Variants in RTN4 observed in about 807,000 individuals in gnomAD.
RTN4 encodes reticulon-4.
Under a neutral mutation model 90.4 loss-of-function variants are expected in RTN4, and 32 were observed. The ratio of observed to expected loss-of-function variants is 0.35; its 90% CI spans 0.27 to 0.48. The LOEUF is 0.48. RTN4 is among the 20% of genes least tolerant of loss of function. The pLI is 0.99. For synonymous variants in RTN4, 629 were observed against 552.5 expected (o/e 1.14, Z -1.94); for missense variants, 1,706 against 1,430.2 (o/e 1.19, Z -3.11).
chr2:55,055,642 C>T (rs113355771), upstream of RTN4, among the ~76,000 whole-genome samples: 358 of 151,924 alleles, frequency 2.4e-3, no homozygotes, highest in Middle Eastern at 6.8e-3. Context: ...TGGTGGCGGG[C>T]GCCTGTAGTC....
intron 5 of RTN4, 37 bp downstream of exon 5, chr2:54,982,478 C>T (rs759936766): frequency 1.9e-6 from 3 of 1,578,600 alleles, no homozygotes; most frequent in Non-Finnish European, 2.6e-6. Flanking sequence ...ATACTAAATT[C>T]TGGGTATATC....
chr2:54,985,255 G>A (rs1370897469), intron 4 of RTN4, among the ~76,000 whole-genome samples: 1 of 140,874 alleles, frequency 7.1e-6, no homozygotes, highest in African/African-American at 2.7e-5. Context: ...GAACTCCTGG[G>A]TTCTAGCAAT....
At chr2:55,137,480 C>G in the RTN4 span, among the ~76,000 whole-genome samples, 2 of 152,126 alleles carry the variant, frequency 1.3e-5, no homozygotes, top group Non-Finnish European at 2.9e-5. Flanking sequence ...AATTCCGGAG[C>G]GTTCGGAAGC....
Position 55,027,235 on chromosome 2 carries a change from A to C in RTN4, c.864T>G (p.Asp288Glu). The C allele has an allele frequency of 6.2e-7, 1 of 1,613,778 alleles. No homozygotes were observed. ...ATTCTAATTCTGAAAACTCTGTTAA[A>C]TCTCTATCTATGAGTAGAGTTTTTG... ...EKAKTLLIDR[D>E]LTEFSELEYS... Residue 288 changes from aspartate to glutamate, a missense_variant, in exon 3 of 9, where the codon GAT becomes GAG. Asp to Glu is a conservative substitution (Grantham distance 45, BLOSUM62 2). Coordinates refer to ENST00000337526, the MANE Select transcript of RTN4 (RefSeq NM_020532.5).
rs1305212175 is a variant in RTN4 at position 55,026,057 on chromosome 2, T to C, written c.2042A>G (p.Glu681Gly). Residue 681 changes from glutamate (E) to glycine (G), a missense_variant, in exon 3 of 9, where the codon GAA becomes GGA. Physicochemically the swap from Glu to Gly is moderately conservative, Grantham distance 98. Coordinates refer to ENST00000337526, the MANE Select transcript of RTN4 (RefSeq NM_020532.5). ...TTCTTGAAGAGCTGCATTAATATTTTCAGGCTCTTTAATTTCTTCCTTTAT... is the reference window on the plus strand; with the variant it reads ...TTCTTGAAGAGCTGCATTAATATTTCCAGGCTCTTTAATTTCTTCCTTTAT... Reference protein sequence around the residue: ...SGIKEEIKEPENINAALQETE... With the variant: ...SGIKEEIKEPGNINAALQETE... 1.8e-5 allele frequency: 29 copies of C among 1,610,658 alleles called. No individual in the cohort carries two copies. Among genetic ancestry groups the C allele is most frequent in the Non-Finnish European group, 2.5e-5 (29 of 1,179,184 alleles).
At chr2:54,996,789 C>T (rs1180767403) in intron 3 of RTN4, among the ~76,000 whole-genome samples, 1 of 152,204 alleles carries the variant, frequency 6.6e-6, no homozygotes, top group African/African-American at 2.4e-5. Context: ...GAGACAAGGT[C>T]TCACTCTGTC....
intron 1 of RTN4, among the ~76,000 whole-genome samples, chr2:55,035,423 A>C (rs1682609203): frequency 6.6e-6 from 1 of 152,218 alleles, no homozygotes; most frequent in African/African-American, 2.4e-5. Flanking sequence ...GGAAAATTAA[A>C]GAAATTCTGA....
In RTN4 at chr2:55,107,553, T is replaced by G. The variant is rs962493678; in HGVS notation, c.-214+4967A>C. 4.7e-4 allele frequency among the ~76,000 whole-genome samples: 70 copies of G among 148,150 alleles called. 1 individual carries two copies. The highest frequency in any genetic ancestry group is 9.8e-4 in the East Asian group (5 of 5,088). ...TGCCTGGCTGGTACATCTGGGGGGG[T>G]TTTGTGGTGGCTAGGAATCCAAAGA... On this transcript the variant is annotated intron_variant, in intron 1 of 3. Transcript: ENST00000427710.
chr2:55,070,389 T>C (rs1668485539), intron 2 of RTN4, among the ~76,000 whole-genome samples: 1 of 151,004 alleles, frequency 6.6e-6, no homozygotes. Context: ...ACTAAAAATG[T>C]TAAAATATTA....
chr2:55,112,166 C>G (rs1379791008), intron 1 of RTN4, among the ~76,000 whole-genome samples: 1 of 152,222 alleles, frequency 6.6e-6, no homozygotes, highest in Non-Finnish European at 1.5e-5. Context: ...GGCCTACCTT[C>G]CCAGCTCACC....
chr2:54,983,321 TAATAAATAAATAAATA>T (rs142672156), intron 4 of RTN4, among the ~76,000 whole-genome samples: 2 of 148,134 alleles, frequency 1.4e-5, no homozygotes, highest in African/African-American at 2.5e-5. Context: ...ATTGTATTGG[TAATAAATAAATAAATA>T]AATAAATAAA....
intron 1 of RTN4, among the ~76,000 whole-genome samples, chr2:55,044,282 CT>C (rs1356036420): frequency 6.6e-6 from 1 of 151,894 alleles, no homozygotes; most frequent in Non-Finnish European, 1.5e-5. Context: ...TCTCAGCTAC[CT>C]GGGGGGCTGA....
At chr2:55,118,881 C>A in the RTN4 span, among the ~76,000 whole-genome samples, 3 of 152,242 alleles carry the variant, frequency 2.0e-5, no homozygotes, top group African/African-American at 7.2e-5. Flanking sequence ...AAGCAAGCAG[C>A]CTGCCTTTTC....
upstream of RTN4, among the ~76,000 whole-genome samples, chr2:55,115,299 G>T (rs1558886021): frequency 6.6e-6 from 1 of 152,114 alleles, no homozygotes; most frequent in South Asian, 2.1e-4. Flanking sequence ...GCTTCTAAAA[G>T]CTCCCACATT....
intron 3 of RTN4, among the ~76,000 whole-genome samples, chr2:55,013,427 A>C (rs1680788408): frequency 6.6e-6 from 1 of 152,150 alleles, no homozygotes. Flanking sequence ...GATAAGCTCT[A>C]AAGGGTAATA....
At chr2:54,975,238 G>A (rs1406710442) in intron 5 of RTN4, among the ~76,000 whole-genome samples, 1 of 152,190 alleles carries the variant, frequency 6.6e-6, no homozygotes, top group Non-Finnish European at 1.5e-5. Flanking sequence ...TTACGTTTCA[G>A]GTACCAAAAA....
upstream of RTN4, among the ~76,000 whole-genome samples, chr2:55,117,400 T>C (rs1668144482): frequency 6.6e-6 from 1 of 152,162 alleles, no homozygotes; most frequent in Non-Finnish European, 1.5e-5. Flanking sequence ...AAGCTCATCC[T>C]GGAACAGAGA....
intron 6 of RTN4, among the ~76,000 whole-genome samples, chr2:54,974,424 C>G (rs1194076995): frequency 6.6e-6 from 1 of 152,206 alleles, no homozygotes. Flanking sequence ...GGATTACAGG[C>G]GTGCGCCACC....
At chr2:55,069,267 T>C (rs1471725439) in intron 2 of RTN4, among the ~76,000 whole-genome samples, 2 of 152,214 alleles carry the variant, frequency 1.3e-5, no homozygotes, top group Non-Finnish European at 2.9e-5. Flanking sequence ...GCTTAGAGTA[T>C]GAAAGTTCTA....
Sources: allele counts gnomAD v4.1 joint callset (sites outside exome capture counted in the v4.1 genomes callset), GRCh38; gene constraint gnomAD v4.1.1; transcripts MANE v1.5; gene names NCBI Gene and HGNC (gene_info 2026-07-23, HGNC 2026-07-21).